ARFGEF2: variants seen among roughly 807,000 people sequenced by gnomAD.
ARFGEF2 encodes the protein ARF guanine nucleotide exchange factor 2, also known as brefeldin A-inhibited guanine nucleotide-exchange protein 2.
In ARFGEF2, 74 loss-of-function variants were observed where a neutral mutation model predicts 219.9. That is an observed-to-expected ratio of 0.34 (90% confidence interval 0.28 to 0.41). The LOEUF is 0.41. ARFGEF2 is among the 10% of genes least tolerant of loss of function. ARFGEF2 has a pLI of 1.00. For synonymous variants in ARFGEF2, 733 were observed against 799.2 expected (o/e 0.92, Z 1.40); for missense variants, 1,743 against 2,218.3 (o/e 0.79, Z 4.30).
At chr20:49,019,475 A>G (rs1191083885) in intron 34 of ARFGEF2, among the ~76,000 whole-genome samples, 1 of 152,202 alleles carries the variant, frequency 6.6e-6, no homozygotes, top group African/African-American at 2.4e-5. Context: ...TTATTGCTTA[A>G]TTGAGTTGCT....
intron 8 of ARFGEF2, among the ~76,000 whole-genome samples, chr20:48,966,902 A>G (rs2091191417): frequency 6.6e-6 from 1 of 152,178 alleles, no homozygotes; most frequent in African/African-American, 2.4e-5. Flanking sequence ...GCTAGAGTGC[A>G]GTGGTGTGAT....
intron 25 of ARFGEF2, among the ~76,000 whole-genome samples, chr20:49,002,181 TG>T (rs1231588876): frequency 6.6e-6 from 1 of 152,134 alleles, no homozygotes; most frequent in Non-Finnish European, 1.5e-5. Flanking sequence ...GAGGTTGCAG[TG>T]AGCAGAGATC....
intron 23 of ARFGEF2, 46 bp downstream of exon 23, chr20:48,995,928 G>T (rs780378469): frequency 8.4e-6 from 13 of 1,543,494 alleles, no homozygotes; most frequent in Non-Finnish European, 1.1e-5. Flanking sequence ...CAGTGGTTTG[G>T]TGGCCTCTCT....
At position 48,964,050 on chromosome 20, in the gene ARFGEF2, A is replaced by T. The variant is rs975082034; in HGVS notation, c.907+152A>T. The T allele has an allele frequency of 5.3e-6, 4 of 753,706 alleles. No homozygotes were observed. In the African/African-American group the frequency reaches 6.9e-5, roughly 13 times the overall value. 46.7% of individuals were successfully genotyped at this position (753,706 alleles called of 1,614,324 possible). A position where few individuals can be genotyped will look rare whatever the true frequency, so the allele number is the denominator to read the frequency against. ...ATCTTCCCACGTCTGCCCATCTTTT[A>T]TATGGGATTCAAAAATGACTTGTTT... On this transcript the variant is annotated intron_variant, in intron 7 of 38. Coordinates refer to ENST00000371917, the MANE Select transcript of ARFGEF2 (RefSeq NM_006420.3).
chr20:48,925,969 A>T (rs1192599083), intron 1 of ARFGEF2, among the ~76,000 whole-genome samples: 1 of 152,242 alleles, frequency 6.6e-6, no homozygotes. Context: ...TAAAGATCAC[A>T]TGTTGTATTA....
chr20:49,026,082 C>T (rs2091600287), intron 36 of ARFGEF2, among the ~76,000 whole-genome samples: 2 of 151,982 alleles, frequency 1.3e-5, no homozygotes, highest in South Asian at 2.1e-4. Flanking sequence ...CGCCTGTAAT[C>T]CCAGCACTCT....
At chr20:49,012,231 A>G (rs774526344) in intron 28 of ARFGEF2, 147 bp downstream of exon 28, 158 of 1,044,442 alleles carry the variant, frequency 1.5e-4, no homozygotes, top group Non-Finnish European at 2.2e-4. Flanking sequence ...AAATGCTGCC[A>G]TGACAGGGAG....
Position 48,921,968 on chromosome 20 carries a change from C to T in ARFGEF2, c.79C>T (p.Pro27Ser), listed in dbSNP as rs587780282. The change falls in exon 1 of 39, where the codon CCC (proline) becomes TCC (serine). Residue 27 changes from proline (P) to serine (S), a missense_variant. Transcript: ENST00000371917. ...KILADKEVKR[P>S]QHSQLRRACQ... ...CCTAGCCGACAAGGAGGTGAAGCGG[C>T]CCCAGCACTCCCAGCTGCGCAGGGC... 6.3e-7 allele frequency: 1 copy of T among 1,576,108 alleles called. No individual in the cohort carries two copies. The highest frequency in any genetic ancestry group is 1.7e-4 in the Middle Eastern group (1 of 6,016).
Position 49,017,384 on chromosome 20 carries a change from A to C in ARFGEF2, c.4451A>C (p.His1484Pro). The change falls in exon 32 of 39, where the codon CAT becomes CCT. Residue 1484 changes from histidine (H) to proline (P), a missense_variant. Transcript: ENST00000371917. ...MLDIFKTTIP[H>P]VLLTWRPVGM... ...GATATTTTCAAAACAACCATCCCAC[A>C]TGTGTAAGTGTTCATGCAGTTGTTC... 1 of 1,614,020 alleles carries C rather than the reference A, an allele frequency of 6.2e-7. No homozygotes were observed. The highest frequency in any genetic ancestry group is 8.5e-7 in the Non-Finnish European group (1 of 1,179,982).
chr20:48,969,313 A>G, intron 9 of ARFGEF2, 36 bp downstream of exon 9: 1 of 1,613,896 alleles, frequency 6.2e-7, no homozygotes, highest in Non-Finnish European at 8.5e-7. Context: ...CCTTCAGTCC[A>G]ATGATCCAGC....
Position 49,010,216 on chromosome 20 carries a change from C to T in ARFGEF2, c.3585-16C>T, listed in dbSNP as rs868494138. The T allele has an allele frequency of 2.5e-6, 4 of 1,611,442 alleles. No homozygotes were observed. In the Middle Eastern group the frequency reaches 6.7e-4, roughly 272 times the overall value. ...TCCAAAGTACAGACGATATGGCCGT[C>T]CCATTCTTTCCTCAGGTCTCCCACC... On this transcript the variant is annotated splice_polypyrimidine_tract_variant and intron_variant, in intron 26 of 38. Coordinates refer to ENST00000371917, the MANE Select transcript of ARFGEF2 (RefSeq NM_006420.3).
At chr20:48,993,424 G>A (rs2091368218) in intron 21 of ARFGEF2, among the ~76,000 whole-genome samples, 1 of 152,180 alleles carries the variant, frequency 6.6e-6, no homozygotes, top group Admixed American at 6.6e-5. Flanking sequence ...ATCAGGGGAT[G>A]ATTCTCTTTG....
At chr20:48,927,949 T>C (rs1020177812) in intron 1 of ARFGEF2, among the ~76,000 whole-genome samples, 7 of 152,250 alleles carry the variant, frequency 4.6e-5, no homozygotes, top group East Asian at 3.9e-4. Flanking sequence ...TTGTTCTTGA[T>C]TATTGAAAAG....
At chr20:49,023,831 C>A (rs573734183) in intron 35 of ARFGEF2, among the ~76,000 whole-genome samples, 1 of 152,300 alleles carries the variant, frequency 6.6e-6, no homozygotes, top group East Asian at 1.9e-4. Flanking sequence ...AGCCACCGCG[C>A]CCGGCCTGAT....
At position 48,921,801 on chromosome 20, in the gene ARFGEF2, C is replaced by G. The variant is rs1346151881; in HGVS notation, c.-89C>G. On this transcript the variant is annotated 5_prime_UTR_variant, in exon 1 of 39. Transcript: ENST00000371917. ...GCGGCGCGGACGGACGCGGCCGGTG[C>G]CGGCCGGGACGCCGGGCCCGCAGCC... 4.1e-6 allele frequency: 5 copies of G among 1,215,734 alleles called. No homozygotes were observed. The highest frequency in any genetic ancestry group is 1.6e-5 in the African/African-American group (1 of 61,758). 75.3% of individuals were successfully genotyped at this position (1,215,734 alleles called of 1,614,324 possible). A position where few individuals can be genotyped will look rare whatever the true frequency, so the allele number is the denominator to read the frequency against.
Position 48,995,459 on chromosome 20 carries a change from G to A in ARFGEF2, c.3122-324G>A, listed in dbSNP as rs535871579. ...CATTCAGCAGGTGTGAGCCATTAAT[G>A]TTCTAGGAGCTCTGGATTAATATCA... On this transcript the variant is annotated intron_variant, in intron 22 of 38. Transcript: ENST00000371917. Among the ~76,000 whole-genome samples the A allele has an allele frequency of 8.5e-5, 13 of 152,280 alleles. No homozygotes were observed. The South Asian group carries it at 2.1e-3, about 24-fold the overall frequency.
chr20:49,026,235 G>A (rs960813828), intron 36 of ARFGEF2, among the ~76,000 whole-genome samples: 1 of 152,118 alleles, frequency 6.6e-6, no homozygotes, highest in African/African-American at 2.4e-5. Flanking sequence ...GGAGGCTGAG[G>A]TGGGAGAATC....
chr20:48,930,503 A>G (rs922958963), intron 1 of ARFGEF2, among the ~76,000 whole-genome samples: 1 of 152,188 alleles, frequency 6.6e-6, no homozygotes. Flanking sequence ...TGATGGAGCG[A>G]GTAAGAGCAT....
intron 37 of ARFGEF2, among the ~76,000 whole-genome samples, chr20:49,030,969 G>A (rs893978057): frequency 1.3e-5 from 2 of 152,166 alleles, no homozygotes; most frequent in African/African-American, 2.4e-5. Flanking sequence ...TCCAGCCTGG[G>A]CAACAAGAGC....
Sources: gnomAD v4.1 joint callset for allele counts (sites outside exome capture counted in the v4.1 genomes callset) on GRCh38, gnomAD v4.1.1 for gene constraint, MANE v1.5 for transcripts, NCBI Gene and HGNC (gene_info 2026-07-23, HGNC 2026-07-21) for gene names.